ITGB1: variants seen among roughly 807,000 people sequenced by gnomAD.
ITGB1 encodes the protein integrin beta-1.
ITGB1 carries 24 observed loss-of-function variants against 86.5 expected under a neutral mutation model. The observed-to-expected ratio is 0.28, with a 90% CI of 0.20 to 0.39. The LOEUF (loss-of-function observed/expected upper bound fraction) is 0.39, where lower values mean the gene tolerates loss of function less well. ITGB1 is among the 10% of genes least tolerant of loss of function. The pLI, the probability that ITGB1 is intolerant of heterozygous loss-of-function variation, is 1.00. For missense variants in ITGB1, 556 were observed against 946.9 expected (o/e 0.59, Z 5.42); for synonymous variants, 323 against 316.8 (o/e 1.02, Z -0.21).
intron 11 of ITGB1, among the ~76,000 whole-genome samples, chr10:32,919,338 G>A (rs899362144): frequency 5.3e-5 from 8 of 152,128 alleles, no homozygotes; most frequent in Non-Finnish European, 1.5e-5. Flanking sequence ...AAAATCTGAA[G>A]TAATTTTGTT....
intron 15 of ITGB1, among the ~76,000 whole-genome samples, chr10:32,905,966 T>C (rs1234019833): frequency 6.6e-6 from 1 of 152,200 alleles, no homozygotes; most frequent in East Asian, 1.9e-4. Context: ...CATGATTTTA[T>C]TAGAATATGC....
In ITGB1 at chr10:32,908,493, C is replaced by T; in HGVS notation, c.2206G>A (p.Val736Met). Residue 736 changes from valine (V) to methionine (M), a missense_variant, in exon 15 of 16, where the codon GTG becomes ATG. Around this residue, in one of 4 missense-constraint regions of ITGB1, gnomAD observed 330 missense variants for 531.5 expected, o/e 0.62. Coordinates refer to ENST00000302278, the MANE Select transcript of ITGB1 (RefSeq NM_002211.4). Reference sequence around the variant, plus strand: ...CCAATAAGAACAATTCCAGCAACCACACCAGCTACAATTGGAATGATGTCT... The same window carrying T: ...CCAATAAGAACAATTCCAGCAACCATACCAGCTACAATTGGAATGATGTCT... ...GPDIIPIVAG[V>M]VAGIVLIGLA... 1.2e-6 allele frequency: 2 copies of T among 1,613,690 alleles called. No individual in the cohort carries two copies.
chr10:32,932,627 A>G, intron 2 of ITGB1, 27 bp from the exon 3 acceptor site: 1 of 1,263,862 alleles, frequency 7.9e-7, no homozygotes, highest in South Asian at 1.2e-5. Context: ...AGAACAGAAC[A>G]TTTTATGTGA....
At chr10:32,937,554 C>CAAAAAAAAAAAAA (rs56280552) in intron 1 of ITGB1, among the ~76,000 whole-genome samples, 3 of 91,912 alleles carry the variant, frequency 3.3e-5, no homozygotes, top group African/African-American at 4.8e-5. Context: ...GACTCCGTCT[C>CAAAAAAAAAAAAA]AAAAAAAAAA....
chr10:32,944,779 T>C (rs1357167298), intron 1 of ITGB1: 6 of 741,634 alleles, frequency 8.1e-6, no homozygotes, highest in South Asian at 5.4e-5. Flanking sequence ...AGATTCATCC[T>C]GCCAGTGGCT....
At chr10:32,915,530 A>C (rs1418779456) in intron 11 of ITGB1, among the ~76,000 whole-genome samples, 4 of 152,248 alleles carry the variant, frequency 2.6e-5, no homozygotes, top group Non-Finnish European at 5.9e-5. Flanking sequence ...AGAATACTAT[A>C]AACACCACTA....
chr10:32,921,339 G>A (rs2094949295), intron 9 of ITGB1, among the ~76,000 whole-genome samples: 2 of 152,122 alleles, frequency 1.3e-5, no homozygotes, highest in African/African-American at 4.8e-5. Flanking sequence ...AATGGGAAAA[G>A]CTGTGGAACA....
At chr10:32,944,497 G>A (rs759958677) in intron 1 of ITGB1, 34 of 401,878 alleles carry the variant, frequency 8.5e-5, no homozygotes, top group African/African-American at 4.0e-4. Flanking sequence ...CCTCTCTAGC[G>A]GAGACCTGCT....
At chr10:32,953,999 C>A (rs564839119) in intron 1 of ITGB1, among the ~76,000 whole-genome samples, 1 of 152,136 alleles carries the variant, frequency 6.6e-6, no homozygotes, top group Non-Finnish European at 1.5e-5. Flanking sequence ...CTCCACCCCC[C>A]CTTGACTATT....
At chr10:32,953,696 A>C (rs2095047044) in intron 1 of ITGB1, 1 of 152,154 alleles carries the variant, frequency 6.6e-6, no homozygotes, top group African/African-American at 2.4e-5. Flanking sequence ...GAAGTACAGT[A>C]CTCTGACAAA....
intron 2 of ITGB1, among the ~76,000 whole-genome samples, chr10:32,933,750 C>T (rs898942429): frequency 6.6e-6 from 1 of 152,136 alleles, no homozygotes; most frequent in Non-Finnish European, 1.5e-5. Flanking sequence ...TTACATGAAA[C>T]TGAGGATGCA....
At chr10:32,913,953 C>A (rs1249367628) in intron 11 of ITGB1, among the ~76,000 whole-genome samples, 1 of 152,222 alleles carries the variant, frequency 6.6e-6, no homozygotes, top group East Asian at 1.9e-4. Context: ...GCCCATCAGA[C>A]TAGCAGCAGA....
chr10:32,921,802 G>C (rs982313297), intron 9 of ITGB1, among the ~76,000 whole-genome samples: 1 of 151,816 alleles, frequency 6.6e-6, no homozygotes, highest in Non-Finnish European at 1.5e-5. Flanking sequence ...ATATGAGTGT[G>C]TACCTCCTGA....
chr10:32,932,291 AATCTTGTAT>A (rs1313463698), intron 3 of ITGB1, among the ~76,000 whole-genome samples: 1 of 152,312 alleles, frequency 6.6e-6, no homozygotes, highest in East Asian at 1.9e-4. Flanking sequence ...AAGTCTTTGA[AATCTTGTAT>A]ATCTTTGAAA....
In ITGB1 at chr10:32,932,595, T is replaced by C. The variant is rs201578324; in HGVS notation, c.73A>G (p.Asn25Asp). The C allele has an allele frequency of 6.6e-5, 104 of 1,576,214 alleles. No homozygotes were observed. The highest frequency in any genetic ancestry group is 1.7e-6 in the Non-Finnish European group (2 of 1,145,890). Residue 25 changes from asparagine (N) to aspartate (D), a missense_variant, in exon 3 of 16, where the codon AAT becomes GAT. Physicochemically the swap from Asn to Asp is conservative, Grantham distance 23. Coordinates refer to ENST00000302278, the MANE Select transcript of ITGB1 (RefSeq NM_002211.4). ...VCCVFAQTDE[N>D]RCLKANAKSC... ...TTGGCATTTGCTTTTAAACATCTATTTTCATCTGTCAGAAAGAAGAAAGAA... is the reference window on the plus strand; with the variant it reads ...TTGGCATTTGCTTTTAAACATCTATCTTCATCTGTCAGAAAGAAGAAAGAA...
chr10:32,925,322 A>G (rs1239535059), intron 6 of ITGB1, among the ~76,000 whole-genome samples: 2 of 152,224 alleles, frequency 1.3e-5, no homozygotes, highest in East Asian at 3.9e-4. Context: ...ATATTGTATC[A>G]CTTCTCAAAA....
chr10:32,919,123 T>G (rs1208431055), intron 11 of ITGB1, among the ~76,000 whole-genome samples: 1 of 152,246 alleles, frequency 6.6e-6, no homozygotes, highest in East Asian at 1.9e-4. Context: ...ATTTAAATTG[T>G]TACTTAGCAC....
At chr10:32,920,176 T>C (rs759990495) in intron 10 of ITGB1, 69 bp downstream of exon 10, 54 of 1,573,292 alleles carry the variant, frequency 3.4e-5, no homozygotes, top group Non-Finnish European at 4.4e-5. Context: ...TTAATGTTTC[T>C]CAAACTATAA....
rs1423414862 is a variant in ITGB1, at chr10:32,928,594, C to T, written c.377-330G>A. On this transcript the variant is annotated intron_variant, in intron 4 of 15. Coordinates refer to ENST00000302278, the MANE Select transcript of ITGB1 (RefSeq NM_002211.4). The stretch of plus-strand genomic sequence containing the variant: ...AGTCTGGAGAGGGCAAGGCAGAACA[C>T]GTGATAGGGTACAACTGACTTTTTA... Among the ~76,000 whole-genome samples, 3 of 152,094 alleles carry T rather than the reference C, an allele frequency of 2.0e-5. No homozygotes were observed. The East Asian group carries it at 5.8e-4, about 29-fold the overall frequency.
Sources: allele counts gnomAD v4.1 joint callset (sites outside exome capture counted in the v4.1 genomes callset), GRCh38; gene constraint gnomAD v4.1.1; regional missense constraint gnomAD v4.1.1; transcripts MANE v1.5; gene names NCBI Gene and HGNC (gene_info 2026-07-23, HGNC 2026-07-21).